Variants in TERF1 observed in about 807,000 individuals in gnomAD.
TERF1 encodes telomeric repeat-binding factor 1.
Under a neutral mutation model 55.1 loss-of-function variants are expected in TERF1, and 20 were observed. The observed-to-expected ratio is 0.36, with a 90% CI of 0.26 to 0.53. The LOEUF (loss-of-function observed/expected upper bound fraction) is 0.53, where lower values mean the gene tolerates loss of function less well. Among genes scored for constraint, TERF1 ranks in the 20% least tolerant of loss-of-function variants. The probability of loss-of-function intolerance (pLI) is 0.91; values close to 1 mark genes in which losing one functional copy is unlikely to be tolerated. For synonymous variants in TERF1, 168 were observed against 181.2 expected (o/e 0.93, Z 0.59); for missense variants, 439 against 535.7 (o/e 0.82, Z 1.78).
intron 7 of TERF1, 36 bp downstream of exon 7, chr8:73,030,431 A>G (rs746726285): frequency 1.5e-6 from 2 of 1,376,844 alleles, no homozygotes; most frequent in Non-Finnish European, 1.9e-6. Flanking sequence ...TTTGTCTTTC[A>G]AATCTTTGAT....
Position 73,009,048 on chromosome 8 carries a change from C to G in TERF1, c.162C>G (p.Pro54=). ...LLECQVQVGA[P]EEEEEEEEDA... ...AGTGCCAGGTGCAGGTGGGGGCCCCCGAGGAGGAGGAGGAGGAGGAGGAGG... is the reference window on the plus strand; with the variant it reads ...AGTGCCAGGTGCAGGTGGGGGCCCCGGAGGAGGAGGAGGAGGAGGAGGAGG... Residue 54 remains proline, a synonymous_variant, in exon 1 of 10, where the codon CCC becomes CCG. Coordinates refer to ENST00000276603, the MANE Select transcript of TERF1 (RefSeq NM_017489.3). The G allele has an allele frequency of 6.2e-7, 1 of 1,604,140 alleles. No individual in the cohort carries two copies. The highest frequency in any genetic ancestry group is 8.5e-7 in the Non-Finnish European group (1 of 1,175,540).
At chr8:73,041,786 G>T (rs1433717424) in intron 9 of TERF1, among the ~76,000 whole-genome samples, 1 of 152,038 alleles carries the variant, frequency 6.6e-6, no homozygotes, top group Admixed American at 6.6e-5. Flanking sequence ...CCTGAGACCT[G>T]GGGGGGCTCC....
At chr8:73,037,738 A>T (rs1298494273) in intron 8 of TERF1, among the ~76,000 whole-genome samples, 7 of 79,758 alleles carry the variant, frequency 8.8e-5, no homozygotes, top group African/African-American at 2.1e-4. Flanking sequence ...TATAGTATGA[A>T]ATATATATTA....
At chr8:73,025,492 C>T (rs570376588) in intron 5 of TERF1, among the ~76,000 whole-genome samples, 12 of 152,046 alleles carry the variant, frequency 7.9e-5, no homozygotes, top group African/African-American at 2.9e-4. Flanking sequence ...GTGGCTCACG[C>T]CTGTAATCCC....
At chr8:73,026,861 G>A (rs1809028483) in intron 5 of TERF1, 79 bp from the exon 6 acceptor site, 3 of 1,061,984 alleles carry the variant, frequency 2.8e-6, no homozygotes, top group African/African-American at 3.2e-5. Context: ...AGAATTACAA[G>A]GCTTAATTTA....
Position 73,047,763 on chromosome 8 carries a change from CT to C in TERF1, c.*1629del, listed in dbSNP as rs950529578. ...ATGAGTACCATATACTTCCTGACTCCTTTATCTTGTTACACCACAAGATACT... is the reference window on the plus strand; with the variant it reads ...ATGAGTACCATATACTTCCTGACTCCTTATCTTGTTACACCACAAGATACT... On this transcript the variant is annotated 3_prime_UTR_variant, in exon 10 of 10. Transcript: ENST00000276603. The C allele has an allele frequency of 2.0e-5, 3 of 152,142 alleles. No homozygotes were observed. The highest frequency in any genetic ancestry group is 7.2e-5 in the African/African-American group (3 of 41,434). 9.4% of individuals were successfully genotyped at this position (152,142 alleles called of 1,614,324 possible).
rs1227937526 is a variant in TERF1 at position 73,014,103 on chromosome 8, T to C, written c.415+113T>C. The C allele has an allele frequency of 1.0e-5, 8 of 788,886 alleles. No homozygotes were observed. In the Admixed American group the frequency reaches 1.1e-4, roughly 11 times the overall value. 48.9% of individuals were successfully genotyped at this position (788,886 alleles called of 1,614,324 possible). ...AGTTTGCCTACAAGTGTCTGGTGCATAGGGGTGTGGGGGGGTGGTGTGTGT... is the reference window on the plus strand; with the variant it reads ...AGTTTGCCTACAAGTGTCTGGTGCACAGGGGTGTGGGGGGGTGGTGTGTGT... On this transcript the variant is annotated intron_variant, in intron 2 of 9. Coordinates refer to ENST00000276603, the MANE Select transcript of TERF1 (RefSeq NM_017489.3).
intron 3 of TERF1, among the ~76,000 whole-genome samples, chr8:73,021,930 AT>A (rs1279612464): frequency 1.3e-5 from 2 of 152,146 alleles, no homozygotes; most frequent in East Asian, 3.8e-4. Flanking sequence ...ATGGCTTCTA[AT>A]TTATTTATTA....
Position 73,030,378 on chromosome 8 carries a change from T to C in TERF1, c.930T>C (p.Gly310=), listed in dbSNP as rs1413469434. The change falls in exon 7 of 10, where the codon GGT becomes GGC. Residue 310 remains glycine, a synonymous_variant. Transcript: ENST00000276603. ...KQSAVTESSE[G]TVSLLRSHKN... ...CTGCGGTAACTGAATCCTCAGAGGG[T>C]ACAGTATCCTTATTGAGGTGAAGTA... is the stretch of plus-strand genomic sequence containing the variant. 6.6e-7 allele frequency: 1 copy of C among 1,515,500 alleles called. No individual in the cohort carries two copies. Among genetic ancestry groups the C allele is most frequent in the Admixed American group, 2.6e-5 (1 of 38,250 alleles). 93.9% of individuals were successfully genotyped at this position (1,515,500 alleles called of 1,614,324 possible). A position where few individuals can be genotyped will look rare whatever the true frequency, so the allele number is the denominator to read the frequency against.
At chr8:73,017,894 G>A (rs2089662545) in intron 2 of TERF1, among the ~76,000 whole-genome samples, 2 of 151,940 alleles carry the variant, frequency 1.3e-5, no homozygotes, top group South Asian at 2.1e-4. Flanking sequence ...GTAGAGACAG[G>A]GTTTCACCAT....
chr8:73,037,190 ATATAT>A (rs1809564455), intron 8 of TERF1, among the ~76,000 whole-genome samples: 1 of 134,310 alleles, frequency 7.4e-6, no homozygotes, highest in African/African-American at 2.7e-5. Context: ...ATATAATAAT[ATATAT>A]TATATAATAT....
intron 8 of TERF1, among the ~76,000 whole-genome samples, chr8:73,037,096 C>G (rs1192142647): frequency 3.1e-5 from 4 of 127,498 alleles, no homozygotes; most frequent in African/African-American, 1.2e-4. Flanking sequence ...TAATATATAT[C>G]ATATATTATA....
At chr8:73,014,533 CTG>C (rs763498952) in intron 2 of TERF1, among the ~76,000 whole-genome samples, 9 of 152,178 alleles carry the variant, frequency 5.9e-5, no homozygotes, top group Non-Finnish European at 1.3e-4. Flanking sequence ...TCCCTTGTCT[CTG>C]TAGTTCCATT....
Position 73,008,896 on chromosome 8 carries a change from G to A in TERF1, c.10G>A (p.Asp4Asn), listed in dbSNP as rs1808137466. Residue 4 changes from aspartate (D) to asparagine (N), a missense_variant, in exon 1 of 10, where the codon GAT (aspartate) becomes AAT (asparagine). Asp to Asn is a conservative substitution (Grantham distance 23). This residue lies in a region of TERF1 where 179 missense variants were observed against 152.6 expected (regional missense o/e 1.17). Coordinates refer to ENST00000276603, the MANE Select transcript of TERF1 (RefSeq NM_017489.3). Reference protein sequence around the residue: MAEDVSSAAPSPRG... With the variant: MAENVSSAAPSPRG... ...AAGCGAGCCATTTAACATGGCGGAGGATGTTTCCTCAGCGGCCCCGAGCCC... is the reference window on the plus strand; with the variant it reads ...AAGCGAGCCATTTAACATGGCGGAGAATGTTTCCTCAGCGGCCCCGAGCCC... 6.2e-7 allele frequency: 1 copy of A among 1,606,106 alleles called. No individual in the cohort carries two copies. The highest frequency in any genetic ancestry group is 1.1e-5 in the South Asian group (1 of 89,442).
chr8:73,029,330 A>G (rs534052678), intron 6 of TERF1, among the ~76,000 whole-genome samples: 2 of 152,308 alleles, frequency 1.3e-5, no homozygotes, highest in African/African-American at 2.4e-5. Flanking sequence ...GTGTCTTACA[A>G]AAATGGTGTA....
chr8:73,009,138 C>T lies in TERF1; in HGVS notation c.252C>T (p.Leu84=), dbSNP rs1188494084. ...AAGWMLDFLC[L]SLCRAFRDGR... is the part of the protein sequence containing the mutation. ...GCTGGATGCTCGATTTCCTCTGCCT[C>T]TCTCTTTGCCGAGCTTTCCGCGACG... Residue 84 remains leucine (L), a synonymous_variant, in exon 1 of 10, where the codon CTC becomes CTT. Transcript: ENST00000276603. 2.5e-6 allele frequency: 4 copies of T among 1,611,386 alleles called. No homozygotes were observed. The highest frequency in any genetic ancestry group is 1.1e-5 in the South Asian group (1 of 90,980).
At chr8:73,030,536 G>A (rs979711145) in intron 7 of TERF1, 141 bp downstream of exon 7, 9 of 509,072 alleles carry the variant, frequency 1.8e-5, no homozygotes, top group African/African-American at 2.0e-5. Context: ...AGATAGTCAC[G>A]ACTCTGAGAC....
Position 73,046,685 on chromosome 8 carries a change from G to A in TERF1, c.*548G>A, listed in dbSNP as rs1183570346. 2.0e-5 allele frequency: 3 copies of A among 151,954 alleles called. No homozygotes were observed. The highest frequency in any genetic ancestry group is 2.9e-5 in the Non-Finnish European group (2 of 68,016). The allele number at this position is 151,954 out of a possible 1,614,324, so 9.4% of individuals were successfully genotyped here. On this transcript the variant is annotated 3_prime_UTR_variant, in exon 10 of 10. Transcript: ENST00000276603. ...TAATTTTTGTATTTTTAGTAGAGGC[G>A]GGGTTTCACCATGCTGGTCAGGATG...
chr8:73,038,551 G>A (rs1288946153), intron 8 of TERF1, among the ~76,000 whole-genome samples: 1 of 148,458 alleles, frequency 6.7e-6, no homozygotes, highest in Non-Finnish European at 1.5e-5. Context: ...TATTTTAACT[G>A]TTTGTTGCTA....
Sources: allele counts gnomAD v4.1 joint callset (sites outside exome capture counted in the v4.1 genomes callset), GRCh38; gene constraint gnomAD v4.1.1; regional missense constraint gnomAD v4.1.1; transcripts MANE v1.5; gene names NCBI Gene and HGNC (gene_info 2026-07-23, HGNC 2026-07-21).